Variants in ZNF341 observed in about 807,000 individuals in gnomAD.
ZNF341 encodes zinc finger protein 341.
ZNF341 carries 52 observed loss-of-function variants against 87.7 expected under a neutral mutation model. The ratio of observed to expected loss-of-function variants is 0.59; its 90% CI spans 0.47 to 0.75. The LOEUF is 0.75. ZNF341 is among the 30% of genes least tolerant of loss of function. The pLI, the probability that ZNF341 is intolerant of heterozygous loss-of-function variation, is 0.00. For synonymous variants in ZNF341, 459 were observed against 472.7 expected, an observed-to-expected ratio of 0.97 and a Z score of 0.38; for missense variants, 977 against 1,145.9, an observed-to-expected ratio of 0.85 and a Z score of 2.13.
At chr20:33,771,496 T>G (rs954224590) in intron 10 of ZNF341, among the ~76,000 whole-genome samples, 1 of 151,928 alleles carries the variant, frequency 6.6e-6, no homozygotes, top group Non-Finnish European at 1.5e-5. Context: ...TCCTCCCACC[T>G]TAGCCTCCCA....
chr20:33,788,144 C>A, intron 12 of ZNF341: 1 of 152,700 alleles, frequency 6.5e-6, no homozygotes, highest in South Asian at 2.1e-4. Flanking sequence ...TGGCTGGGCG[C>A]GGTGGCTCAT....
chr20:33,789,693 T>G (rs2019956883), intron 14 of ZNF341, 105 bp downstream of exon 14: 2 of 1,278,444 alleles, frequency 1.6e-6, no homozygotes, highest in South Asian at 2.5e-5. Flanking sequence ...AGGCTTGTTT[T>G]CCCTGCCTGG....
intron 5 of ZNF341, among the ~76,000 whole-genome samples, chr20:33,754,874 A>G (rs1157615503): frequency 6.6e-6 from 1 of 152,222 alleles, no homozygotes; most frequent in Non-Finnish European, 1.5e-5. Context: ...ATAAGAGCCT[A>G]TGCCAGTGGC....
chr20:33,747,623 A>AC (rs2018957245), intron 3 of ZNF341, among the ~76,000 whole-genome samples: 2 of 148,026 alleles, frequency 1.4e-5, no homozygotes, highest in Non-Finnish European at 1.5e-5. Flanking sequence ...TCAAAAAAAA[A>AC]AAAAAAAAAA....
Position 33,781,494 on chromosome 20 carries a change from C to T in ZNF341, c.1719+107C>T, listed in dbSNP as rs977147305. 5.6e-5 allele frequency: 56 copies of T among 995,338 alleles called. 1 individual carries two copies. The highest frequency in any genetic ancestry group is 2.1e-4 in the Admixed American group (11 of 53,026). 61.7% of individuals were successfully genotyped at this position (995,338 alleles called of 1,614,324 possible). The stretch of plus-strand genomic sequence containing the variant: ...CCTTCTCCTCTCTCACCATAGGACA[C>T]GCAGGCAGGGCTCAGGGGCTGCTCC... On this transcript the variant is annotated intron_variant, in intron 11 of 14. Transcript: ENST00000375200.
intron 8 of ZNF341, among the ~76,000 whole-genome samples, chr20:33,762,843 T>C (rs2019326240): frequency 6.6e-6 from 1 of 152,178 alleles, no homozygotes; most frequent in African/African-American, 2.4e-5. Context: ...GCTTCATCCA[T>C]GTCCCTGCAA....
At chr20:33,757,102 C>T (rs1263784265) in intron 5 of ZNF341, 46 bp from the exon 6 acceptor site, 1 of 1,364,240 alleles carries the variant, frequency 7.3e-7, no homozygotes, top group African/African-American at 1.5e-5. Flanking sequence ...GGGAGCTCTT[C>T]CCCTTCCCTG....
Position 33,762,121 on chromosome 20 carries a change from CT to C in ZNF341, c.1222+67del. Reference sequence around the variant, plus strand: ...TTCTGCCGCTTCACAGGTTTTATTGCTAGCTGTGTGACCTTGGGCAAACCCC... The same window carrying C: ...TTCTGCCGCTTCACAGGTTTTATTGCAGCTGTGTGACCTTGGGCAAACCCC... On this transcript the variant is annotated intron_variant, in intron 8 of 14. Coordinates refer to ENST00000375200, the MANE Select transcript of ZNF341 (RefSeq NM_001282933.2). 2.8e-6 allele frequency: 4 copies of C among 1,447,276 alleles called. No individual in the cohort carries two copies. In the South Asian group the frequency reaches 5.8e-5, roughly 21 times the overall value. 89.7% of individuals were successfully genotyped at this position (1,447,276 alleles called of 1,614,324 possible). A position where few individuals can be genotyped will look rare whatever the true frequency, so the allele number is the denominator to read the frequency against.
chr20:33,753,442 G>A lies in ZNF341; in HGVS notation c.741+19G>A. The stretch of plus-strand genomic sequence containing the variant: ...CCTAGAGGTGAGCAGAGGGGGCAGG[G>A]TGGAAGAGGACACTGGTCATGGACA... On this transcript the variant is annotated intron_variant, in intron 5 of 14. Transcript: ENST00000375200. The A allele has an allele frequency of 6.4e-7, 1 of 1,566,188 alleles. No individual in the cohort carries two copies. The highest frequency in any genetic ancestry group is 2.3e-5 in the East Asian group (1 of 43,682).
At chr20:33,753,787 A>G (rs545560292) in intron 5 of ZNF341, among the ~76,000 whole-genome samples, 1 of 152,238 alleles carries the variant, frequency 6.6e-6, no homozygotes, top group Non-Finnish European at 1.5e-5. Context: ...GTTTTTAATA[A>G]GCTAGGTGTA....
intron 7 of ZNF341, 45 bp from the exon 8 acceptor site, chr20:33,761,817 G>A (rs745446509): frequency 5.3e-5 from 74 of 1,398,714 alleles, no homozygotes; most frequent in South Asian, 1.6e-4. Context: ...CTGAGGCCTC[G>A]TCCCCGTTCC....
chr20:33,757,281 C>T lies in ZNF341; in HGVS notation c.875C>T (p.Thr292Ile), dbSNP rs1285302364. The T allele has an allele frequency of 1.9e-6, 3 of 1,604,738 alleles. No homozygotes were observed. The highest frequency in any genetic ancestry group is 2.6e-6 in the Non-Finnish European group (3 of 1,176,462). Reference protein sequence around the residue: ...MTSATGGTVATFDSPATLKTR... With the variant: ...MTSATGGTVAIFDSPATLKTR... Reference sequence around the variant, plus strand: ...AGCGCCACCGGGGGCACGGTGGCCACCTTTGACTCTCCAGCAACGCTGAAG... The same window carrying T: ...AGCGCCACCGGGGGCACGGTGGCCATCTTTGACTCTCCAGCAACGCTGAAG... Residue 292 changes from threonine (T) to isoleucine (I), a missense_variant, in exon 6 of 15, where the codon ACC becomes ATC. By Grantham distance (89) the Thr-to-Ile change is moderately conservative. This residue lies in a region of ZNF341 where 515 missense variants were observed against 598.2 expected (regional missense o/e 0.86). Transcript: ENST00000375200.
At chr20:33,765,988 T>A (rs2019398148) in intron 8 of ZNF341, among the ~76,000 whole-genome samples, 1 of 152,198 alleles carries the variant, frequency 6.6e-6, no homozygotes, top group Admixed American at 6.5e-5. Flanking sequence ...GTTCAAGCAA[T>A]TCTCCTGCCT....
At chr20:33,759,824 A>G (rs1440407651) in intron 7 of ZNF341, among the ~76,000 whole-genome samples, 2 of 151,930 alleles carry the variant, frequency 1.3e-5, no homozygotes, top group Admixed American at 1.3e-4. Context: ...CATTCCAGCC[A>G]TGGCTGGCAA....
intron 7 of ZNF341, among the ~76,000 whole-genome samples, chr20:33,761,460 C>G (rs2019287338): frequency 6.6e-6 from 1 of 152,160 alleles, no homozygotes. Context: ...GACAGAGTTT[C>G]ACCATGTTGG....
At chr20:33,764,088 G>A (rs565463211) in intron 8 of ZNF341, among the ~76,000 whole-genome samples, 2 of 147,902 alleles carry the variant, frequency 1.4e-5, no homozygotes, top group Admixed American at 6.8e-5. Flanking sequence ...GCAGTGGCGC[G>A]ATCTCAGCTC....
At chr20:33,750,685 G>A (rs1173892422) in intron 4 of ZNF341, among the ~76,000 whole-genome samples, 10 of 151,760 alleles carry the variant, frequency 6.6e-5, no homozygotes, top group Admixed American at 6.6e-4. Context: ...TTGTCACCTA[G>A]GCTGGAGTGC....
rs545653444 is a variant in ZNF341, at chr20:33,785,930, C to A, written c.1852+2066C>A. On this transcript the variant is annotated intron_variant, in intron 12 of 14. Coordinates refer to ENST00000375200, the MANE Select transcript of ZNF341 (RefSeq NM_001282933.2). Reference sequence around the variant, plus strand: ...GGGTCCCCCTCCCCCGGGCCCCCCCCAGAAGTTGTTACCAACAGCACCTTC... The same window carrying A: ...GGGTCCCCCTCCCCCGGGCCCCCCCAAGAAGTTGTTACCAACAGCACCTTC... 4.6e-5 allele frequency among the ~76,000 whole-genome samples: 7 copies of A among 152,106 alleles called. No homozygotes were observed. The South Asian group carries it at 1.2e-3, about 27-fold the overall frequency.
chr20:33,743,053 C>T (rs1307749187), intron 2 of ZNF341, among the ~76,000 whole-genome samples: 3 of 141,666 alleles, frequency 2.1e-5, no homozygotes, highest in Non-Finnish European at 3.0e-5. Context: ...TTTTTTGAGA[C>T]GGAGTTTTGC....
Sources: allele counts gnomAD v4.1 joint callset (sites outside exome capture counted in the v4.1 genomes callset), GRCh38; gene constraint gnomAD v4.1.1; regional missense constraint gnomAD v4.1.1; transcripts MANE v1.5; gene names NCBI Gene and HGNC (gene_info 2026-07-23, HGNC 2026-07-21).